Variants in NRXN3 observed in about 807,000 individuals in gnomAD.
The protein encoded by NRXN3 is neurexin 3, also known as neurexin III.
In NRXN3, 32 loss-of-function variants were observed where a neutral mutation model predicts 137.6. The observed-to-expected ratio is 0.23, with a 90% CI of 0.18 to 0.31. The LOEUF (loss-of-function observed/expected upper bound fraction) is 0.31. Ranked by LOEUF, NRXN3 falls within the 10% of genes least tolerant of loss-of-function variation. NRXN3 has a pLI of 1.00. For missense variants in NRXN3, 1,574 were observed against 2,062.5 expected (o/e 0.76, Z 4.59); for synonymous variants, 798 against 784.5 (o/e 1.02, Z -0.29).
At chr14:78,644,980 A>G (rs1457416673) in intron 4 of NRXN3, 140 bp from the exon 5 acceptor site, 4 of 683,026 alleles carry the variant, frequency 5.9e-6, no homozygotes, top group Non-Finnish European at 9.3e-6. Context: ...TAGGACTTGC[A>G]GAAGAATTGA....
At chr14:78,403,713 G>A in intron 4 of NRXN3, 1 of 985,394 alleles carries the variant, frequency 1.0e-6, no homozygotes, top group East Asian at 1.1e-4. Flanking sequence ...CACTGTTGTA[G>A]GTGTTAGTGA....
chr14:78,182,161 G>T (rs1480735247), intron 1 of NRXN3, among the ~76,000 whole-genome samples: 1 of 152,086 alleles, frequency 6.6e-6, no homozygotes, highest in Non-Finnish European at 1.5e-5. Flanking sequence ...CTCACCGTCT[G>T]CAGGCCCTGC....
At position 78,967,070 on chromosome 14, in the gene NRXN3, A is replaced by AT. The variant is rs1378508918; in HGVS notation, c.2778-137dup. 3.5e-5 allele frequency: 24 copies of AT among 689,716 alleles called. No individual in the cohort carries two copies. The Admixed American group carries it at 6.7e-4, about 19-fold the overall frequency. The allele number at this position is 689,716 out of a possible 1,614,324, so 42.7% of individuals were successfully genotyped here. On this transcript the variant is annotated intron_variant, in intron 12 of 20. Transcript: ENST00000335750. ...AATCTGACTATTCTTGTAACCTCAT[A>AT]TCAAGATTTAAATTATTCCTGCATT...
intron 1 of NRXN3, among the ~76,000 whole-genome samples, chr14:78,220,760 T>C (rs1596040853): frequency 6.6e-6 from 1 of 151,748 alleles, no homozygotes; most frequent in African/African-American, 2.4e-5. Flanking sequence ...TGGGGATAAG[T>C]CAGTTTTAAA....
chr14:79,008,850 G>A (rs1222950207), intron 15 of NRXN3, among the ~76,000 whole-genome samples: 3 of 151,824 alleles, frequency 2.0e-5, no homozygotes, highest in Non-Finnish European at 2.9e-5. Flanking sequence ...GTAGAGATGG[G>A]GTTTCACCAT....
At chr14:79,745,574 T>C (rs1291585733) in intron 19 of NRXN3, among the ~76,000 whole-genome samples, 1 of 152,096 alleles carries the variant, frequency 6.6e-6, no homozygotes, top group East Asian at 1.9e-4. Flanking sequence ...CCACAAGACA[T>C]GATGGGTCTG....
At chr14:78,844,523 C>T (rs560903850) in intron 10 of NRXN3, among the ~76,000 whole-genome samples, 92 of 152,086 alleles carry the variant, frequency 6.0e-4, no homozygotes, top group African/African-American at 2.2e-3. Flanking sequence ...AGGGTTTCTG[C>T]TCTGTAAAAT....
At chr14:78,248,898 G>A (rs1033693544) in intron 2 of NRXN3, among the ~76,000 whole-genome samples, 9 of 152,150 alleles carry the variant, frequency 5.9e-5, no homozygotes, top group African/African-American at 9.7e-5. Context: ...CATGGGACCA[G>A]CCTGACTCTC....
At chr14:78,271,675 C>T (rs1368912919) in intron 2 of NRXN3, among the ~76,000 whole-genome samples, 2 of 152,154 alleles carry the variant, frequency 1.3e-5, no homozygotes, top group Non-Finnish European at 2.9e-5. Flanking sequence ...TCCTCTTCCC[C>T]TCCTGGCCGC....
chr14:79,147,379 C>A (rs1254133179), intron 15 of NRXN3, among the ~76,000 whole-genome samples: 1 of 152,090 alleles, frequency 6.6e-6, no homozygotes, highest in African/African-American at 2.4e-5. Context: ...CAAGTGACTG[C>A]ATGTCATGTT....
At chr14:79,067,447 C>T (rs2152695046) in intron 15 of NRXN3, among the ~76,000 whole-genome samples, 1 of 152,112 alleles carries the variant, frequency 6.6e-6, no homozygotes, top group South Asian at 2.1e-4. Flanking sequence ...GTGTCTCTGC[C>T]AGGTTTTGGT....
intron 15 of NRXN3, among the ~76,000 whole-genome samples, chr14:79,406,329 G>T (rs1010902552): frequency 6.8e-6 from 1 of 147,158 alleles, no homozygotes; most frequent in Non-Finnish European, 1.5e-5. Flanking sequence ...TCTTGAGACA[G>T]GGTCTTGCTC....
rs112324376 is a variant in NRXN3 at position 78,259,040 on chromosome 14, G to A, written c.709+15238G>A. Among the ~76,000 whole-genome samples the A allele has an allele frequency of 8.4e-3, 1,270 of 151,596 alleles. 7 individuals carry two copies. Among genetic ancestry groups the A allele is most frequent in the Middle Eastern group, 0.02 (6 of 294 alleles). On this transcript the variant is annotated intron_variant, in intron 2 of 20. Coordinates refer to ENST00000335750, the MANE Select transcript of NRXN3 (RefSeq NM_001330195.2). The stretch of plus-strand genomic sequence containing the variant: ...CCAGCTACTTGGGAGGCTGAGGCAG[G>A]AGAATCACTTGAACCTGGGAGGTGG...
At chr14:79,148,732 C>A (rs1028693976) in intron 15 of NRXN3, among the ~76,000 whole-genome samples, 1 of 152,146 alleles carries the variant, frequency 6.6e-6, no homozygotes, top group South Asian at 2.1e-4. Context: ...GCTTTCCTTG[C>A]AATCATCCAG....
At chr14:78,408,936 C>G (rs992524173) in intron 4 of NRXN3, among the ~76,000 whole-genome samples, 5 of 152,208 alleles carry the variant, frequency 3.3e-5, no homozygotes, top group Non-Finnish European at 7.3e-5. Context: ...TTAATAGAAA[C>G]TAACAGAGTG....
At chr14:78,962,231 T>C (rs552211596) in intron 11 of NRXN3, among the ~76,000 whole-genome samples, 1 of 152,324 alleles carries the variant, frequency 6.6e-6, no homozygotes, top group Non-Finnish European at 1.5e-5. Context: ...TCAAACTGCT[T>C]AACCTCTGCA....
At chr14:78,410,466 GGACT>G (rs2092758878) in intron 4 of NRXN3, among the ~76,000 whole-genome samples, 1 of 152,166 alleles carries the variant, frequency 6.6e-6, no homozygotes, top group Non-Finnish European at 1.5e-5. Flanking sequence ...ATGTCTAAAT[GGACT>G]ATAAGACATA....
At chr14:78,536,641 G>T (rs191313377) in intron 4 of NRXN3, among the ~76,000 whole-genome samples, 19 of 151,800 alleles carry the variant, frequency 1.3e-4, no homozygotes, top group African/African-American at 4.3e-4. Context: ...AAGTTCTAGG[G>T]TACATGTGCA....
intron 4 of NRXN3, among the ~76,000 whole-genome samples, chr14:78,489,923 T>A (rs1434399595): frequency 6.6e-6 from 1 of 151,834 alleles, no homozygotes; most frequent in South Asian, 2.1e-4. Context: ...GGACTTTTTT[T>A]TTTTTTTTTG....
Sources: gnomAD v4.1 joint callset for allele counts (sites outside exome capture counted in the v4.1 genomes callset) on GRCh38, gnomAD v4.1.1 for gene constraint, MANE v1.5 for transcripts, NCBI Gene and HGNC (gene_info 2026-07-23, HGNC 2026-07-21) for gene names.